The following KDM6A variants were observed in gnomAD, a reference collection of about 807,000 sequenced individuals.
KDM6A encodes the protein lysine demethylase 6A.
A neutral mutation model predicts 117.6 loss-of-function variants in KDM6A; 11 were observed. That is an observed-to-expected ratio of 0.09 (90% CI 0.06 to 0.15). KDM6A has a LOEUF of 0.15. Among genes scored for constraint, KDM6A ranks in the 10% least tolerant of loss-of-function variants. The probability of loss-of-function intolerance (pLI) is 1.00; values close to 1 mark genes in which losing one functional copy is unlikely to be tolerated. For synonymous variants in KDM6A, 384 were observed against 396.1 expected, an observed-to-expected ratio of 0.97 and a Z score of 0.36; for missense variants, 799 against 1,077.3, an observed-to-expected ratio of 0.74 and a Z score of 3.62.
chrX:45,025,383 G>A (rs141741518), intron 6 of KDM6A, among the ~76,000 whole-genome samples: 4,288 of 111,643 alleles, frequency 0.038, 214 homozygotes, highest in African/African-American at 0.13. Context: ...GGCTGGTCTC[G>A]AACTTCTGAC....
chrX:45,024,664 T>C (rs2147701762), intron 6 of KDM6A, among the ~76,000 whole-genome samples: 1 of 111,216 alleles, frequency 9.0e-6, no homozygotes, highest in East Asian at 2.8e-4. Flanking sequence ...CATCTACTTA[T>C]CTTTGTTTTT....
intron 2 of KDM6A, among the ~76,000 whole-genome samples, chrX:44,905,610 C>T (rs1308894366): frequency 8.9e-6 from 1 of 111,732 alleles, no homozygotes; most frequent in Non-Finnish European, 1.9e-5. Context: ...AGGTATTTTC[C>T]ACTGGGAGTA....
intron 27 of KDM6A, among the ~76,000 whole-genome samples, chrX:45,098,345 A>G (rs1307883565): frequency 8.9e-6 from 1 of 112,698 alleles, no homozygotes; most frequent in Non-Finnish European, 1.9e-5. Context: ...CATAAATTAG[A>G]AGGTAATTGC....
intron 2 of KDM6A, among the ~76,000 whole-genome samples, chrX:44,914,248 G>T (rs1271448482): frequency 8.9e-6 from 1 of 111,982 alleles, no homozygotes; most frequent in East Asian, 2.8e-4. Flanking sequence ...AGCTGTGCTG[G>T]GGGGGTCAGC....
rs200743814 is a variant in KDM6A, at chrX:44,954,057, T to TAA, written c.226-7215_226-7214dup. 2.0e-3 allele frequency among the ~76,000 whole-genome samples: 203 copies of TAA among 99,807 alleles called. 5 individuals are homozygous for TAA. The East Asian group carries it at 0.049, about 24-fold the overall frequency. 86.7% of individuals were successfully genotyped at this position (99,807 alleles called of 115,157 possible). On this transcript the variant is annotated intron_variant, in intron 2 of 29. Coordinates refer to ENST00000611820, the MANE Select transcript of KDM6A (RefSeq NM_001291415.2). ...TGGGTGACAGAGTGAGACCTTGCCT[T>TAA]AAAAAAAAAAAAATAATAATAATAC... is the stretch of plus-strand genomic sequence containing the variant.
At chrX:44,930,644 T>C (rs1182108928) in intron 2 of KDM6A, among the ~76,000 whole-genome samples, 1 of 112,139 alleles carries the variant, frequency 8.9e-6, no homozygotes, top group Non-Finnish European at 1.9e-5. Flanking sequence ...TTTGGAATTA[T>C]ACAAAATGAT....
At chrX:45,072,866 A>AAT (rs35510523) in intron 18 of KDM6A, among the ~76,000 whole-genome samples, 1,711 of 105,407 alleles carry the variant, frequency 0.016, 27 homozygotes, top group African/African-American at 0.053. Flanking sequence ...AAAATATAAT[A>AAT]ATATATATAT....
intron 3 of KDM6A, among the ~76,000 whole-genome samples, chrX:44,967,160 G>A (rs186507374): frequency 3.6e-5 from 4 of 111,475 alleles, no homozygotes; most frequent in South Asian, 3.7e-4. Flanking sequence ...GTGAGCCACC[G>A]CACCTGGCTA....
chrX:44,987,184 T>C (rs2040278794), intron 4 of KDM6A, among the ~76,000 whole-genome samples: 1 of 111,815 alleles, frequency 8.9e-6, no homozygotes, highest in Non-Finnish European at 1.9e-5. Flanking sequence ...TCTCTTTTGA[T>C]CTTTGTTGGT....
At chrX:44,910,040 A>C (rs2034988023) in intron 2 of KDM6A, among the ~76,000 whole-genome samples, 1 of 112,004 alleles carries the variant, frequency 8.9e-6, no homozygotes, top group Non-Finnish European at 1.9e-5. Context: ...TGTGTTTTCT[A>C]TACTCTGTTT....
Position 45,060,688 on chromosome X carries a change from T to C in KDM6A, c.1409T>C (p.Leu470Pro), listed in dbSNP as rs1405022017. 1 of 1,069,056 alleles carries C rather than the reference T, an allele frequency of 9.4e-7. No homozygotes were observed. Among genetic ancestry groups the C allele is most frequent in the East Asian group, 4.3e-5 (1 of 23,310 alleles). The allele number at this position is 1,069,056 out of a possible 1,213,427, so 88.1% of individuals were successfully genotyped here. The change falls in exon 14 of 30, where the codon CTA becomes CCA. Residue 470 changes from leucine to proline, a missense_variant. Transcript: ENST00000611820. ...CCAATTTCACAGCAATCCTTGCCAC[T>C]ACACATGATTCCTTCTAGCCAAGTA... ...QTPISQQSLPLHMIPSSQVDD... is the reference protein window; with the variant it reads ...QTPISQQSLPPHMIPSSQVDD...
At chrX:45,087,106 T>G (rs926866291) in intron 25 of KDM6A, among the ~76,000 whole-genome samples, 2 of 112,907 alleles carry the variant, frequency 1.8e-5, no homozygotes, top group Non-Finnish European at 1.9e-5. Context: ...TTCTCCTGCC[T>G]CAGCCTCCTG....
At chrX:45,075,804 G>A (rs1327870352) in intron 18 of KDM6A, among the ~76,000 whole-genome samples, 2 of 111,346 alleles carry the variant, frequency 1.8e-5, no homozygotes, top group Non-Finnish European at 3.8e-5. Flanking sequence ...GAGTTTTTGA[G>A]TTCCCAGAAT....
chrX:44,950,190 A>G (rs1281566172), intron 2 of KDM6A, among the ~76,000 whole-genome samples: 1 of 110,039 alleles, frequency 9.1e-6, no homozygotes, highest in African/African-American at 3.3e-5. Context: ...TGATTTTTGT[A>G]TTTTTAGTAG....
chrX:45,037,230 A>AT (rs1237499799), intron 7 of KDM6A, among the ~76,000 whole-genome samples: 4 of 112,158 alleles, frequency 3.6e-5, no homozygotes, highest in Non-Finnish European at 7.5e-5. Context: ...TGGTTTTAAT[A>AT]TTTTTTAATT....
At chrX:44,979,956 G>A (rs1339894453) in intron 4 of KDM6A, among the ~76,000 whole-genome samples, 1 of 108,344 alleles carries the variant, frequency 9.2e-6, no homozygotes, top group African/African-American at 3.3e-5. Context: ...TTGAAATCAA[G>A]CAATGTAAGT....
At chrX:44,968,650 T>A (rs1340835030) in intron 3 of KDM6A, among the ~76,000 whole-genome samples, 1 of 111,211 alleles carries the variant, frequency 9.0e-6, no homozygotes, top group East Asian at 2.8e-4. Flanking sequence ...GTAAAGAGAG[T>A]CACGGAGGTT....
chrX:44,983,823 G>T (rs1315755567), intron 4 of KDM6A, among the ~76,000 whole-genome samples: 1 of 109,906 alleles, frequency 9.1e-6, no homozygotes, highest in African/African-American at 3.3e-5. Context: ...TTGGACATTT[G>T]GGTTGGTTCC....
At chrX:45,045,014 A>G (rs2043465910) in intron 8 of KDM6A, among the ~76,000 whole-genome samples, 1 of 111,583 alleles carries the variant, frequency 9.0e-6, no homozygotes, top group Non-Finnish European at 1.9e-5. Flanking sequence ...CTAAATAAAG[A>G]AAAAAATTCC....
Sources: allele counts gnomAD v4.1 joint callset (sites outside exome capture counted in the v4.1 genomes callset), GRCh38; gene constraint gnomAD v4.1.1; transcripts MANE v1.5; gene names NCBI Gene and HGNC (gene_info 2026-07-23, HGNC 2026-07-21).